SNAP23: variants seen among roughly 807,000 people sequenced by gnomAD.
The protein encoded by SNAP23 is synaptosomal-associated protein 23.
In SNAP23, 11 loss-of-function variants were observed where a neutral mutation model predicts 29.0. That is an observed-to-expected ratio of 0.38 (90% CI 0.24 to 0.63). The LOEUF (loss-of-function observed/expected upper bound fraction) is 0.63. Among genes scored for constraint, SNAP23 ranks in the 20% least tolerant of loss-of-function variants. The pLI, the probability that SNAP23 is intolerant of heterozygous loss-of-function variation, is 0.58. For synonymous variants in SNAP23, 60 were observed against 82.9 expected, an observed-to-expected ratio of 0.72 and a Z score of 1.50; for missense variants, 220 against 253.9, an observed-to-expected ratio of 0.87 and a Z score of 0.91.
chr15:42,512,878 G>C (rs781036435), intron 2 of SNAP23, 77 bp from the exon 3 acceptor site: 9 of 1,072,646 alleles, frequency 8.4e-6, no homozygotes, highest in Non-Finnish European at 1.2e-5. Context: ...AGATAGAATA[G>C]CATCATGAAT....
intron 1 of SNAP23, among the ~76,000 whole-genome samples, chr15:42,511,500 A>G (rs1176262837): frequency 6.6e-6 from 1 of 152,162 alleles, no homozygotes; most frequent in Non-Finnish European, 1.5e-5. Context: ...ACAACCAAAA[A>G]TTCACTTTAA....
chr15:42,502,026 CT>C (rs767749240), intron 1 of SNAP23, among the ~76,000 whole-genome samples: 6,828 of 132,402 alleles, frequency 0.052, 343 homozygotes, highest in African/African-American at 0.18. Context: ...TATATTCTCT[CT>C]TTTTTTTTTT....
In SNAP23 at chr15:42,495,669, G is replaced by A. The variant is rs2141492394; in HGVS notation, c.-59G>A. On this transcript the variant is annotated 5_prime_UTR_variant, in exon 1 of 8. Coordinates refer to ENST00000249647, the MANE Select transcript of SNAP23 (RefSeq NM_003825.4). ...AGGGTGCAGCGCCAGGTCCGGTGTT[G>A]GGGTGTCCGAGTTGCCGCCGGAGAG... is the stretch of plus-strand genomic sequence containing the variant. The A allele has an allele frequency of 6.6e-6, 1 of 152,522 alleles. No individual in the cohort carries two copies. The highest frequency in any genetic ancestry group is 1.9e-4 in the East Asian group (1 of 5,196). 9.4% of individuals were successfully genotyped at this position (152,522 alleles called of 1,614,324 possible).
Position 42,506,070 on chromosome 15 carries a change from C to T in SNAP23, c.-14-5763C>T, listed in dbSNP as rs1320666175. On this transcript the variant is annotated intron_variant, in intron 1 of 7. Coordinates refer to ENST00000249647, the MANE Select transcript of SNAP23 (RefSeq NM_003825.4). ...AAACGATTCTCCTGCCTCAGCCTCC[C>T]GAGTAGCTGGGACTACAGGCGCCCA... Among the ~76,000 whole-genome samples, 16 of 150,958 alleles carry T rather than the reference C, an allele frequency of 1.1e-4. No individual in the cohort carries two copies. The East Asian group carries it at 2.0e-3, about 19-fold the overall frequency.
chr15:42,520,737 G>A (rs1014104260), intron 5 of SNAP23, among the ~76,000 whole-genome samples: 4 of 151,054 alleles, frequency 2.6e-5, no homozygotes, highest in African/African-American at 2.4e-5. Context: ...CTCGTGATCC[G>A]CCCGCCTTGG....
chr15:42,513,037 TAGGAGCGATCCTAATACTTCTGGC>T, intron 3 of SNAP23, 41 bp downstream of exon 3: 1 of 1,382,098 alleles, frequency 7.2e-7, no homozygotes, highest in Non-Finnish European at 1.0e-6. Context: ...TAGAAATTTA[TAGGAGCGATCCTAATACTTCTGGC>T]TGGAATTAGT....
chr15:42,527,530 C>T (rs1284923779), intron 5 of SNAP23, among the ~76,000 whole-genome samples: 1 of 152,014 alleles, frequency 6.6e-6, no homozygotes, highest in African/African-American at 2.4e-5. Flanking sequence ...GGACCACAGG[C>T]GTGTGCCACC....
intron 4 of SNAP23, among the ~76,000 whole-genome samples, chr15:42,514,783 A>G (rs1275967398): frequency 2.0e-5 from 3 of 150,076 alleles, no homozygotes; most frequent in Non-Finnish European, 4.4e-5. Context: ...GCTCACTGCA[A>G]CCTCCAACTG....
At chr15:42,505,629 C>G (rs1193263379) in intron 1 of SNAP23, 1 of 146,652 alleles carries the variant, frequency 6.8e-6, no homozygotes, top group Admixed American at 6.9e-5. Context: ...GATCTCGGCT[C>G]ACTGCGACCT....
rs115759949 is a variant in SNAP23, at chr15:42,508,354, G to A, written c.-14-3479G>A. ...CTACAGAGGGCGGACTTTTATATCT[G>A]CAGGTTCCTCAGGGCCAATTGGTAT... is the stretch of plus-strand genomic sequence containing the variant. On this transcript the variant is annotated intron_variant, in intron 1 of 7. Coordinates refer to ENST00000249647, the MANE Select transcript of SNAP23 (RefSeq NM_003825.4). Among the ~76,000 whole-genome samples the A allele has an allele frequency of 9.7e-3, 1,473 of 152,142 alleles. 17 individuals are homozygous for A. The highest frequency in any genetic ancestry group is 0.034 in the African/African-American group (1,409 of 41,514).
At chr15:42,515,554 C>T (rs1037442213) in intron 5 of SNAP23, among the ~76,000 whole-genome samples, 200 bp downstream of exon 5, 2 of 152,084 alleles carry the variant, frequency 1.3e-5, no homozygotes, top group East Asian at 3.8e-4. Flanking sequence ...TTTGACCAAT[C>T]CTGGGATCAA....
chr15:42,501,239 C>T (rs1406852354), intron 1 of SNAP23, among the ~76,000 whole-genome samples: 5 of 152,192 alleles, frequency 3.3e-5, no homozygotes, highest in African/African-American at 7.2e-5. Flanking sequence ...ATCCCCTGCC[C>T]TCCATACATA....
intron 7 of SNAP23, 35 bp downstream of exon 7, chr15:42,529,854 A>C: frequency 1.2e-6 from 2 of 1,605,560 alleles, no homozygotes; most frequent in Non-Finnish European, 1.7e-6. Flanking sequence ...AAAATGAGAC[A>C]CCCAGTTCAG....
intron 1 of SNAP23, among the ~76,000 whole-genome samples, chr15:42,500,393 T>C (rs1190483841): frequency 1.3e-5 from 2 of 150,898 alleles, no homozygotes; most frequent in Non-Finnish European, 3.0e-5. Flanking sequence ...TTTTCCCTTT[T>C]TTTTTTTTTT....
intron 5 of SNAP23, among the ~76,000 whole-genome samples, chr15:42,518,404 A>G (rs908199225): frequency 6.7e-6 from 1 of 148,480 alleles, no homozygotes; most frequent in Non-Finnish European, 1.5e-5. Context: ...CTTATTTGCC[A>G]TTTGGAAATA....
intron 5 of SNAP23, among the ~76,000 whole-genome samples, chr15:42,520,532 T>A (rs1035112916): frequency 6.6e-6 from 1 of 152,024 alleles, no homozygotes; most frequent in Non-Finnish European, 1.5e-5. Flanking sequence ...TCTCGCTCTG[T>A]TGCCCAGGCT....
chr15:42,524,295 G>T (rs1284644047), intron 5 of SNAP23, among the ~76,000 whole-genome samples: 1 of 152,050 alleles, frequency 6.6e-6, no homozygotes, highest in Admixed American at 6.6e-5. Context: ...CGATTCCCAG[G>T]CTATACTCCA....
chr15:42,492,883 T>C (rs1459371033), upstream of SNAP23: 2 of 152,186 alleles, frequency 1.3e-5, no homozygotes, highest in Admixed American at 1.3e-4. Context: ...GGAACTATTT[T>C]ACCCTATAAA....
intron 5 of SNAP23, among the ~76,000 whole-genome samples, chr15:42,522,716 T>TAAAAAAAAAAAAAAAAAAAAAAAAAAAA (rs10553237): frequency 9.5e-6 from 1 of 104,900 alleles, no homozygotes. Flanking sequence ...CAACCAAAAC[T>TAAAAAAAAAAAAAAAAAAAAAAAAAAAA]AAAAAAAAAA....
Sources: allele counts gnomAD v4.1 joint callset (sites outside exome capture counted in the v4.1 genomes callset), GRCh38; gene constraint gnomAD v4.1.1; transcripts MANE v1.5; gene names NCBI Gene and HGNC (gene_info 2026-07-23, HGNC 2026-07-21).